The following NFAT5 variants were observed in gnomAD, a reference collection of about 807,000 sequenced individuals.
NFAT5 encodes the protein nuclear factor of activated T cells 5.
In NFAT5, 31 loss-of-function variants were observed where a neutral mutation model predicts 166.5. The observed-to-expected ratio is 0.19, with a 90% confidence interval of 0.14 to 0.25. NFAT5 has a LOEUF of 0.25. NFAT5 is among the 10% of genes least tolerant of loss of function. The pLI, the probability that NFAT5 is intolerant of heterozygous loss-of-function variation, is 1.00. For missense variants in NFAT5, 1,449 were observed against 1,821.8 expected, an observed-to-expected ratio of 0.80 and a Z score of 3.72; for synonymous variants, 612 against 639.7, an observed-to-expected ratio of 0.96 and a Z score of 0.65.
intron 13 of NFAT5, among the ~76,000 whole-genome samples, 157 bp downstream of exon 13, chr16:69,694,396 AG>A (rs914817089): frequency 6.6e-6 from 1 of 152,172 alleles, no homozygotes; most frequent in African/African-American, 2.4e-5. Context: ...CTGGGATTAC[AG>A]GTGTGCACAA....
At chr16:69,613,682 G>C (rs1420866172) in intron 2 of NFAT5, among the ~76,000 whole-genome samples, 1 of 152,160 alleles carries the variant, frequency 6.6e-6, no homozygotes, top group Non-Finnish European at 1.5e-5. Flanking sequence ...TGCCTTCTCA[G>C]ATCCTCCACA....
chr16:69,607,124 G>A (rs961150931), intron 2 of NFAT5, among the ~76,000 whole-genome samples: 1 of 152,206 alleles, frequency 6.6e-6, no homozygotes, highest in South Asian at 2.1e-4. Flanking sequence ...AGGTAGATAG[G>A]TATTACCACT....
At chr16:69,593,682 G>A (rs1410538430) in intron 2 of NFAT5, among the ~76,000 whole-genome samples, 1 of 152,086 alleles carries the variant, frequency 6.6e-6, no homozygotes, top group African/African-American at 2.4e-5. Flanking sequence ...AAACTGTTTG[G>A]TGTGTAGAAT....
At chr16:69,605,215 G>A (rs956191094) in intron 2 of NFAT5, among the ~76,000 whole-genome samples, 1 of 152,194 alleles carries the variant, frequency 6.6e-6, no homozygotes, top group Non-Finnish European at 1.5e-5. Flanking sequence ...CAAGGCAGGT[G>A]GATCACTTGA....
At chr16:69,691,151 AT>A (rs1247920337) in intron 12 of NFAT5, 63 bp downstream of exon 12, 2 of 1,364,756 alleles carry the variant, frequency 1.5e-6, no homozygotes, top group Non-Finnish European at 1.9e-6. Context: ...TACTTTTCCT[AT>A]TTTTTTAACA....
chr16:69,612,266 A>G (rs1269291564), intron 2 of NFAT5, among the ~76,000 whole-genome samples: 1 of 152,228 alleles, frequency 6.6e-6, no homozygotes, highest in Admixed American at 6.5e-5. Context: ...GTTTTGGTCC[A>G]TGAAGGGTTT....
intron 2 of NFAT5, among the ~76,000 whole-genome samples, chr16:69,576,291 C>CA (rs35557444): frequency 0.069 from 3,756 of 54,728 alleles, 265 homozygotes; most frequent in African/African-American, 0.2. Flanking sequence ...GACTCGGTCT[C>CA]AAAAAAAAAA....
At chr16:69,597,733 A>T (rs945727572) in intron 2 of NFAT5, among the ~76,000 whole-genome samples, 8 of 151,776 alleles carry the variant, frequency 5.3e-5, no homozygotes, top group African/African-American at 1.9e-4. Flanking sequence ...CTGGGACTAC[A>T]GGCGCCCACC....
chr16:69,568,340 A>G (rs1315907327), intron 1 of NFAT5, among the ~76,000 whole-genome samples, 155 bp from the exon 2 acceptor site: 33 of 38,480 alleles, frequency 8.6e-4, no homozygotes, highest in African/African-American at 4.9e-3. Flanking sequence ...GTGTGTATAT[A>G]TATATATGTG....
chr16:69,647,711 A>G lies in NFAT5; in HGVS notation c.812+125A>G. 1 of 788,282 alleles carries G rather than the reference A, an allele frequency of 1.3e-6. No individual in the cohort carries two copies. Among genetic ancestry groups the G allele is most frequent in the East Asian group, 2.7e-5 (1 of 36,662 alleles). The allele number at this position is 788,282 out of a possible 1,614,324, so 48.8% of individuals were successfully genotyped here. The stretch of plus-strand genomic sequence containing the variant: ...ATAAAGCAACAGTGCTAATTTTATC[A>G]TTGAAATACATGAAAATTTTAACTT... On this transcript the variant is annotated intron_variant, in intron 4 of 14. Transcript: ENST00000349945. The surrounding 1 kb of genome is among the most constrained non-coding windows in gnomAD (Gnocchi z 4.8).
Position 69,636,461 on chromosome 16 carries a change from C to G in NFAT5, c.253+9933C>G, listed in dbSNP as rs566666731. Among the ~76,000 whole-genome samples the G allele has an allele frequency of 1.8e-4, 28 of 152,306 alleles. No individual in the cohort carries two copies. The South Asian group carries it at 5.8e-3, about 32-fold the overall frequency. ...TCTCCAACCCCACATTTTCCATCTGCTTTGCCCTAGCAGAGGTTCTCCGTG... is the reference window on the plus strand; with the variant it reads ...TCTCCAACCCCACATTTTCCATCTGGTTTGCCCTAGCAGAGGTTCTCCGTG... On this transcript the variant is annotated intron_variant, in intron 3 of 14. Transcript: ENST00000349945.
chr16:69,600,388 C>T (rs1038689525), intron 2 of NFAT5, among the ~76,000 whole-genome samples: 12 of 151,822 alleles, frequency 7.9e-5, no homozygotes, highest in Admixed American at 2.0e-4. Context: ...GAAGTGGAGG[C>T]AGCTAGGAAG....
At chr16:69,674,392 C>T (rs1280013422) in intron 9 of NFAT5, among the ~76,000 whole-genome samples, 1 of 151,866 alleles carries the variant, frequency 6.6e-6, no homozygotes, top group African/African-American at 2.4e-5. Flanking sequence ...GGTACATGAT[C>T]ATTCATTATG....
intron 2 of NFAT5, among the ~76,000 whole-genome samples, chr16:69,620,224 G>A (rs866484097): frequency 3.3e-5 from 5 of 152,130 alleles, no homozygotes; most frequent in Admixed American, 6.5e-5. Flanking sequence ...TTCTGAACTT[G>A]CTTCCCTTTC....
intron 2 of NFAT5, among the ~76,000 whole-genome samples, chr16:69,586,276 C>T (rs576649072): frequency 6.6e-6 from 1 of 152,218 alleles, no homozygotes; most frequent in East Asian, 1.9e-4. Context: ...AGTGAGATGA[C>T]CTAAATACCA....
At chr16:69,585,091 G>GGGT (rs1287515791) in intron 2 of NFAT5, among the ~76,000 whole-genome samples, 1 of 151,836 alleles carries the variant, frequency 6.6e-6, no homozygotes, top group Non-Finnish European at 1.5e-5. Flanking sequence ...TCTGCCTCCC[G>GGGT]GGTTGAAGCG....
chr16:69,636,295 A>G (rs1490342465), intron 3 of NFAT5, among the ~76,000 whole-genome samples: 1 of 152,060 alleles, frequency 6.6e-6, no homozygotes, highest in Non-Finnish European at 1.5e-5. Context: ...AGCTGCTTTC[A>G]TGGGCTGGCA....
At chr16:69,644,699 A>C (rs1195981631) in intron 3 of NFAT5, 1 of 307,804 alleles carries the variant, frequency 3.2e-6, no homozygotes, top group Non-Finnish European at 6.5e-6. Context: ...AGAGAACAAG[A>C]CAAGGTTATA....
intron 7 of NFAT5, among the ~76,000 whole-genome samples, chr16:69,664,785 T>C (rs1197778462): frequency 1.3e-5 from 2 of 152,092 alleles, no homozygotes; most frequent in African/African-American, 4.8e-5. Context: ...CCCAGCACTT[T>C]GGGAGGCCAA....
Sources: gnomAD v4.1 joint callset for allele counts (sites outside exome capture counted in the v4.1 genomes callset) on GRCh38, gnomAD v4.1.1 for gene constraint, Gnocchi (gnomAD v3.1) non-coding constraint, MANE v1.5 for transcripts, NCBI Gene and HGNC (gene_info 2026-07-23, HGNC 2026-07-21) for gene names.